MAP7D1: variants seen among roughly 807,000 people sequenced by gnomAD.
MAP7D1 encodes MAP7 domain-containing protein 1.
MAP7D1 carries 30 observed loss-of-function variants against 97.5 expected under a neutral mutation model. That is an observed-to-expected ratio of 0.31 (90% confidence interval 0.23 to 0.42). MAP7D1 has a LOEUF of 0.42. Ranked by LOEUF, MAP7D1 falls within the 10% of genes least tolerant of loss-of-function variation. The pLI, the probability that MAP7D1 is intolerant of heterozygous loss-of-function variation, is 1.00. For missense variants in MAP7D1, 1,184 were observed against 1,179.5 expected (o/e 1.00, Z -0.06); for synonymous variants, 536 against 477.1 (o/e 1.12, Z -1.61).
chr1:36,180,228 C>T lies in MAP7D1; in HGVS notation c.2513-20C>T, dbSNP rs753658635. On this transcript the variant is annotated intron_variant, in intron 16 of 16. Coordinates refer to ENST00000474796, the MANE Select transcript of MAP7D1 (RefSeq NM_001388490.1). ...TGAGTGCTGTTTGCCCTGACTGTTT[C>T]CCTTCCTGTTTTTCCCCAGAAGTCC... The T allele has an allele frequency of 1.2e-6, 2 of 1,614,162 alleles. No homozygotes were observed. The highest frequency in any genetic ancestry group is 1.1e-5 in the South Asian group (1 of 91,076).
chr1:36,168,817 A>G (rs541342711), intron 1 of MAP7D1, among the ~76,000 whole-genome samples: 1 of 152,316 alleles, frequency 6.6e-6, no homozygotes, highest in South Asian at 2.1e-4. Flanking sequence ...GATGATGGCT[A>G]CTGGGTCCAA....
Position 36,179,100 on chromosome 1 carries a change from A to T in MAP7D1, c.2130+75A>T, listed in dbSNP as rs1644677513. On this transcript the variant is annotated intron_variant, in intron 12 of 16. Transcript: ENST00000474796. The stretch of plus-strand genomic sequence containing the variant: ...CCAGGTGGGCGGGGCCTGGGCTTAG[A>T]GCGGACAGGACGGGAAAGCGCTGGG... The T allele has an allele frequency of 9.9e-6, 15 of 1,517,508 alleles. No individual in the cohort carries two copies. The Middle Eastern group carries it at 9.1e-4, about 92-fold the overall frequency. 94.0% of individuals were successfully genotyped at this position (1,517,508 alleles called of 1,614,324 possible). A position where few individuals can be genotyped will look rare whatever the true frequency, so the allele number is the denominator to read the frequency against.
At position 36,180,532 on chromosome 1, in the gene MAP7D1, G is replaced by T; in HGVS notation, c.*274G>T. 1 of 528,152 alleles carries T rather than the reference G, an allele frequency of 1.9e-6. No homozygotes were observed. The highest frequency in any genetic ancestry group is 3.4e-6 in the Non-Finnish European group (1 of 292,452). 32.7% of individuals were successfully genotyped at this position (528,152 alleles called of 1,614,324 possible). A position where few individuals can be genotyped will look rare whatever the true frequency, so the allele number is the denominator to read the frequency against. ...CACAGCCTCTCTGGCCTCTTCCCTT[G>T]GGGAGGGGCCACCTGTAGTATTTGC... On this transcript the variant is annotated 3_prime_UTR_variant, in exon 17 of 17. Coordinates refer to ENST00000474796, the MANE Select transcript of MAP7D1 (RefSeq NM_001388490.1).
intron 1 of MAP7D1, among the ~76,000 whole-genome samples, chr1:36,157,465 T>C (rs1360163356): frequency 1.3e-5 from 2 of 152,088 alleles, no homozygotes; most frequent in Admixed American, 6.5e-5. Flanking sequence ...CTTCTGCAAA[T>C]CCCATTCGGA....
chr1:36,176,447 G>C lies in MAP7D1; in HGVS notation c.1099G>C (p.Ala367Pro). The change falls in exon 7 of 17, where the codon GCC (alanine) becomes CCC (proline). Residue 367 changes from alanine to proline, a missense_variant. Ala to Pro is a conservative substitution (Grantham distance 27, BLOSUM62 -1). Coordinates refer to ENST00000474796, the MANE Select transcript of MAP7D1 (RefSeq NM_001388490.1). This position sits in a 1 kb window ranked among gnomAD's most constrained non-coding sequence, Gnocchi z 6.1. ...AVPVCPRSAS[A>P]SPLTPCSVTR... ...GCCGGTGTGCCCGCGCTCGGCCTCCGCCAGCCCCCTGACGCCGTGCAGCGT... is the reference window on the plus strand; with the variant it reads ...GCCGGTGTGCCCGCGCTCGGCCTCCCCCAGCCCCCTGACGCCGTGCAGCGT... 6.6e-7 allele frequency: 1 copy of C among 1,514,114 alleles called. No homozygotes were observed. Among genetic ancestry groups the C allele is most frequent in the Non-Finnish European group, 8.8e-7 (1 of 1,139,638 alleles). 93.8% of individuals were successfully genotyped at this position (1,514,114 alleles called of 1,614,324 possible).
Position 36,171,046 on chromosome 1 carries a change from C to A in MAP7D1, c.122C>A (p.Ser41Ter). The A allele has an allele frequency of 1.4e-6, 2 of 1,452,134 alleles. No homozygotes were observed. Among genetic ancestry groups the A allele is most frequent in the Non-Finnish European group, 9.3e-7 (1 of 1,075,904 alleles). The allele number at this position is 1,452,134 out of a possible 1,614,324, so 90.0% of individuals were successfully genotyped here. A position where few individuals can be genotyped will look rare whatever the true frequency, so the allele number is the denominator to read the frequency against. Reference protein sequence around the residue: ...GDPSPPPPPMSALVPDTPPDT... With the variant: ...GDPSPPPPPM ...CCTTCCCCCCCACCACCACCAATGT[C>A]AGCCCTGGTCCCCGACACTCCCCCG... The change falls in exon 2 of 17, where the codon TCA (serine) becomes TAA (stop). Residue 41 changes from serine (S) to a stop codon, truncating the protein, a stop_gained. Coordinates refer to ENST00000474796, the MANE Select transcript of MAP7D1 (RefSeq NM_001388490.1). LOFTEE classifies it high-confidence loss of function.
At chr1:36,157,533 G>A (rs1644353260) in intron 1 of MAP7D1, among the ~76,000 whole-genome samples, 1 of 152,174 alleles carries the variant, frequency 6.6e-6, no homozygotes, top group South Asian at 2.1e-4. Flanking sequence ...TGGTTTTGGA[G>A]GGAGGCGATT....
Position 36,175,027 on chromosome 1 carries a change from C to T in MAP7D1, c.850+19C>T, listed in dbSNP as rs1399390211. On this transcript the variant is annotated intron_variant, in intron 6 of 16. Coordinates refer to ENST00000474796, the MANE Select transcript of MAP7D1 (RefSeq NM_001388490.1). ...AGTAGAAGTAAGAGAAGGCCCAGCCCTTCCCCCTCCAGAGCCCCTTGTAGC... is the reference window on the plus strand; with the variant it reads ...AGTAGAAGTAAGAGAAGGCCCAGCCTTTCCCCCTCCAGAGCCCCTTGTAGC... 6.5e-7 allele frequency: 1 copy of T among 1,547,078 alleles called. No homozygotes were observed. Among genetic ancestry groups the T allele is most frequent in the Non-Finnish European group, 8.9e-7 (1 of 1,119,388 alleles).
At position 36,176,806 on chromosome 1, in the gene MAP7D1, G is replaced by A. The variant is rs1644633159; in HGVS notation, c.1343G>A (p.Arg448His). Residue 448 changes from arginine (R) to histidine (H), a missense_variant, in exon 8 of 17, where the codon CGT becomes CAT. Arg to His is a conservative substitution (Grantham distance 29). Coordinates refer to ENST00000474796, the MANE Select transcript of MAP7D1 (RefSeq NM_001388490.1). This position sits in a 1 kb window ranked among gnomAD's most constrained non-coding sequence, Gnocchi z 6.1. ...KKRQSLPASPRARLSASTASE... is the reference protein window; with the variant it reads ...KKRQSLPASPHARLSASTASE... ...CGCCAGTCGCTGCCCGCCTCCCCAC[G>A]TGCCCGCCTCTCTGCCAGCACCGCC... is the stretch of plus-strand genomic sequence containing the variant. 6.3e-7 allele frequency: 1 copy of A among 1,593,820 alleles called. No individual in the cohort carries two copies. Among genetic ancestry groups the A allele is most frequent in the East Asian group, 2.3e-5 (1 of 43,898 alleles).
At chr1:36,171,888 T>C (rs927155686) in intron 3 of MAP7D1, 2 of 172,670 alleles carry the variant, frequency 1.2e-5, no homozygotes, top group South Asian at 9.6e-5. Flanking sequence ...GAGCCGAGAT[T>C]GTGCCATTGC....
intron 8 of MAP7D1, 39 bp from the exon 9 acceptor site, chr1:36,177,834 G>A (rs762604547): frequency 1.3e-6 from 2 of 1,521,404 alleles, no homozygotes; most frequent in South Asian, 1.3e-5. Flanking sequence ...GTGTGGGTGT[G>A]TGTGTCTCCT....
chr1:36,156,511 T>A (rs1486559401), intron 1 of MAP7D1, 48 bp downstream of exon 1: 5 of 1,362,412 alleles, frequency 3.7e-6, no homozygotes, highest in South Asian at 3.3e-5. Flanking sequence ...ATGGAGGGGC[T>A]GCAGGGCGGC....
chr1:36,162,287 C>T (rs1644423417), intron 1 of MAP7D1, among the ~76,000 whole-genome samples: 1 of 152,190 alleles, frequency 6.6e-6, no homozygotes, highest in South Asian at 2.1e-4. Context: ...CCAGCCTGGG[C>T]AGGAGCCTGC....
chr1:36,159,208 C>G lies in MAP7D1; in HGVS notation c.46+2745C>G, dbSNP rs1280673154. Reference sequence around the variant, plus strand: ...GAGTAGCTGGGATTACAGGCGCCTGCCACCGCGCCCGGCTAATTTTTGTAT... The same window carrying G: ...GAGTAGCTGGGATTACAGGCGCCTGGCACCGCGCCCGGCTAATTTTTGTAT... On this transcript the variant is annotated intron_variant, in intron 1 of 16. Coordinates refer to ENST00000474796, the MANE Select transcript of MAP7D1 (RefSeq NM_001388490.1). This position sits in a 1 kb window ranked among gnomAD's most constrained non-coding sequence, Gnocchi z 5.4. Among the ~76,000 whole-genome samples the G allele has an allele frequency of 6.6e-6, 1 of 152,144 alleles. No homozygotes were observed. Among genetic ancestry groups the G allele is most frequent in the Non-Finnish European group, 1.5e-5 (1 of 68,020 alleles).
At chr1:36,177,832 G>T in intron 8 of MAP7D1, 41 bp from the exon 9 acceptor site, 1 of 1,521,286 alleles carries the variant, frequency 6.6e-7, no homozygotes. Flanking sequence ...GCGTGTGGGT[G>T]TGTGTGTCTC....
chr1:36,170,279 A>G (rs1415274897), intron 1 of MAP7D1, among the ~76,000 whole-genome samples: 1 of 152,200 alleles, frequency 6.6e-6, no homozygotes, highest in Non-Finnish European at 1.5e-5. Context: ...AAAAGCAGAA[A>G]TTTCGGTGTG....
intron 8 of MAP7D1, 124 bp from the exon 9 acceptor site, chr1:36,177,749 G>A: frequency 8.0e-6 from 11 of 1,372,956 alleles, no homozygotes; most frequent in Non-Finnish European, 1.1e-5. Flanking sequence ...TTCTGTGAGA[G>A]CAAGGGGGCG....
chr1:36,171,164 C>G lies in MAP7D1; in HGVS notation c.240C>G (p.Ala80=), dbSNP rs766130504. ...CAGGGCAGGTCGGGCCTAGGCCAGC[C>G]CCCCCGCAGGAAGAGTCCCCTTCCT... is the stretch of plus-strand genomic sequence containing the variant. ...SPSGQVGPRP[A]PPQEESPSSE... is the part of the protein sequence containing the mutation. Residue 80 remains alanine, a synonymous_variant, in exon 2 of 17, where the codon GCC becomes GCG. Transcript: ENST00000474796. 5.6e-6 allele frequency: 9 copies of G among 1,613,862 alleles called. No individual in the cohort carries two copies. In the East Asian group the frequency reaches 1.6e-4, roughly 28 times the overall value.
rs1453897470 is a variant in MAP7D1, at chr1:36,180,230, C to T, written c.2513-18C>T. On this transcript the variant is annotated intron_variant, in intron 16 of 16. Coordinates refer to ENST00000474796, the MANE Select transcript of MAP7D1 (RefSeq NM_001388490.1). Reference sequence around the variant, plus strand: ...AGTGCTGTTTGCCCTGACTGTTTCCCTTCCTGTTTTTCCCCAGAAGTCCTT... The same window carrying T: ...AGTGCTGTTTGCCCTGACTGTTTCCTTTCCTGTTTTTCCCCAGAAGTCCTT... The T allele has an allele frequency of 1.2e-6, 2 of 1,614,082 alleles. No individual in the cohort carries two copies. Among genetic ancestry groups the T allele is most frequent in the Non-Finnish European group, 1.7e-6 (2 of 1,180,058 alleles).
Sources: gnomAD v4.1 joint callset for allele counts (sites outside exome capture counted in the v4.1 genomes callset) on GRCh38, gnomAD v4.1.1 for gene constraint, Gnocchi (gnomAD v3.1) non-coding constraint, MANE v1.5 for transcripts, NCBI Gene and HGNC (gene_info 2026-07-23, HGNC 2026-07-21) for gene names.